SDK2: variants seen among roughly 807,000 people sequenced by gnomAD.
SDK2 encodes the protein protein sidekick-2.
SDK2 carries 105 observed loss-of-function variants against 253.9 expected under a neutral mutation model. The observed-to-expected ratio is 0.41, with a 90% CI of 0.35 to 0.49. The LOEUF (loss-of-function observed/expected upper bound fraction) is 0.49. Ranked by LOEUF, SDK2 falls within the 20% of genes least tolerant of loss-of-function variation. The probability of loss-of-function intolerance (pLI) is 0.06; values close to 1 mark genes in which losing one functional copy is unlikely to be tolerated. For missense variants in SDK2, 2,608 were observed against 3,003.0 expected (o/e 0.87, Z 3.07); for synonymous variants, 1,249 against 1,234.9 (o/e 1.01, Z -0.24).
At chr17:73,424,288 C>T (rs1272279448) in intron 12 of SDK2, among the ~76,000 whole-genome samples, 196 bp from the exon 13 acceptor site, 5 of 152,100 alleles carry the variant, frequency 3.3e-5, no homozygotes, top group Non-Finnish European at 7.4e-5. Flanking sequence ...ATCGTTCCTG[C>T]GGGGAGGGTG....
intron 1 of SDK2, among the ~76,000 whole-genome samples, chr17:73,549,664 G>A (rs550764649): frequency 6.6e-6 from 1 of 152,150 alleles, no homozygotes; most frequent in East Asian, 1.9e-4. Flanking sequence ...ATGGGGGCAA[G>A]TTTTAGGCGA....
chr17:73,594,569 C>T (rs969021673), intron 1 of SDK2, among the ~76,000 whole-genome samples: 2 of 151,858 alleles, frequency 1.3e-5, no homozygotes, highest in African/African-American at 2.4e-5. Flanking sequence ...TGCAAGACTC[C>T]CTGCCTGCCT....
In SDK2 at chr17:73,374,467, G is replaced by A. The variant is rs1025180649; in HGVS notation, c.4980+4710C>T. On this transcript the variant is annotated intron_variant, in intron 36 of 44. Coordinates refer to ENST00000392650, the MANE Select transcript of SDK2 (RefSeq NM_001144952.2). Reference sequence around the variant, plus strand: ...TCTCCCATTCCATGTTCGATTTGTCGGTAATTTTTTTTTTTTTTGAGATGG... The same window carrying A: ...TCTCCCATTCCATGTTCGATTTGTCAGTAATTTTTTTTTTTTTTGAGATGG... 4.3e-5 allele frequency among the ~76,000 whole-genome samples: 6 copies of A among 138,166 alleles called. 1 individual carries two copies. Among genetic ancestry groups the A allele is most frequent in the African/African-American group, 1.2e-4 (4 of 32,342 alleles). The allele number at this position is 138,166 out of a possible 152,430, so 90.6% of individuals were successfully genotyped here. A position where few individuals can be genotyped will look rare whatever the true frequency, so the allele number is the denominator to read the frequency against.
intron 21 of SDK2, 95 bp from the exon 22 acceptor site, chr17:73,399,384 G>C: frequency 7.6e-7 from 1 of 1,314,382 alleles, no homozygotes; most frequent in South Asian, 1.3e-5. Context: ...TGTGTGTCAC[G>C]CTTTTCCTGG....
chr17:73,421,086 G>A (rs1314882307), intron 15 of SDK2, among the ~76,000 whole-genome samples: 1 of 152,238 alleles, frequency 6.6e-6, no homozygotes, highest in African/African-American at 2.4e-5. Context: ...TACACTTTCA[G>A]CCTCTCTGTT....
intron 1 of SDK2, among the ~76,000 whole-genome samples, chr17:73,622,020 C>T (rs1027314500): frequency 2.0e-5 from 3 of 152,216 alleles, no homozygotes; most frequent in African/African-American, 7.2e-5. Context: ...GAGGATATTA[C>T]ATCCAGTTCT....
intron 34 of SDK2, among the ~76,000 whole-genome samples, chr17:73,380,427 A>G (rs747973644): frequency 2.6e-5 from 4 of 152,198 alleles, no homozygotes; most frequent in Admixed American, 6.5e-5. Flanking sequence ...CAGCAGGAAC[A>G]TGTCTGGTGC....
At chr17:73,554,736 A>C (rs1472384693) in intron 1 of SDK2, among the ~76,000 whole-genome samples, 2 of 152,232 alleles carry the variant, frequency 1.3e-5, no homozygotes, top group Non-Finnish European at 2.9e-5. Flanking sequence ...TATCTCTGCA[A>C]GTGTGAGCTC....
chr17:73,501,721 T>A (rs1451974723), intron 2 of SDK2, among the ~76,000 whole-genome samples: 1 of 152,226 alleles, frequency 6.6e-6, no homozygotes, highest in African/African-American at 2.4e-5. Context: ...GGGTTTGTTA[T>A]CAGATCTGTT....
chr17:73,532,966 AG>A (rs2064181936), intron 1 of SDK2, among the ~76,000 whole-genome samples: 1 of 152,226 alleles, frequency 6.6e-6, no homozygotes, highest in Non-Finnish European at 1.5e-5. Flanking sequence ...CATTTAATAA[AG>A]ATGAGTATAA....
At chr17:73,613,711 C>A (rs542205308) in intron 1 of SDK2, among the ~76,000 whole-genome samples, 1 of 151,930 alleles carries the variant, frequency 6.6e-6, no homozygotes, top group Non-Finnish European at 1.5e-5. Context: ...ACGCCCCTCC[C>A]AGCTGCCCCA....
At chr17:73,549,044 A>G (rs937380189) in intron 1 of SDK2, among the ~76,000 whole-genome samples, 11 of 152,240 alleles carry the variant, frequency 7.2e-5, no homozygotes, top group African/African-American at 2.4e-4. Flanking sequence ...TGACGCCATC[A>G]GCCTTCCCGT....
At chr17:73,430,896 T>A (rs373632782) in intron 11 of SDK2, among the ~76,000 whole-genome samples, 1 of 152,188 alleles carries the variant, frequency 6.6e-6, no homozygotes, top group African/African-American at 2.4e-5. Context: ...ATTTCCAGTC[T>A]AGTGCTTCAT....
At position 73,389,069 on chromosome 17, in the gene SDK2, C is replaced by T. The variant is rs552595637; in HGVS notation, c.4193-1032G>A. The stretch of plus-strand genomic sequence containing the variant: ...TTTCCCAGGCTGGAGTGCAGTGGCA[C>T]GATCATAGCTCACTACAGCCTCAAA... On this transcript the variant is annotated intron_variant, in intron 29 of 44. Coordinates refer to ENST00000392650, the MANE Select transcript of SDK2 (RefSeq NM_001144952.2). Among the ~76,000 whole-genome samples the T allele has an allele frequency of 3.0e-4, 44 of 147,208 alleles. 1 individual carries two copies. The highest frequency in any genetic ancestry group is 1.2e-3 in the Admixed American group (17 of 14,598).
At chr17:73,386,962 CTT>C (rs938100487) in intron 30 of SDK2, among the ~76,000 whole-genome samples, 1 of 152,096 alleles carries the variant, frequency 6.6e-6, no homozygotes, top group Non-Finnish European at 1.5e-5. Flanking sequence ...GAGATGGAGT[CTT>C]TTTTTGTTGT....
Position 73,357,771 on chromosome 17 carries a change from G to A in SDK2, c.5593+308C>T, listed in dbSNP as rs2062603931. ...ATCAGTGGGGTCGTGTGGAGGATTC[G>A]GTGTGTGACCCACGTGAGCCACGTG... is the stretch of plus-strand genomic sequence containing the variant. On this transcript the variant is annotated intron_variant, in intron 40 of 44. Transcript: ENST00000392650. 10 of 455,772 alleles carry A rather than the reference G, an allele frequency of 2.2e-5. No individual in the cohort carries two copies. The East Asian group carries it at 2.5e-4, about 12-fold the overall frequency. 28.2% of individuals were successfully genotyped at this position (455,772 alleles called of 1,614,324 possible). A position where few individuals can be genotyped will look rare whatever the true frequency, so the allele number is the denominator to read the frequency against.
At chr17:73,601,401 A>G (rs1473067822) in intron 1 of SDK2, among the ~76,000 whole-genome samples, 2 of 152,052 alleles carry the variant, frequency 1.3e-5, no homozygotes, top group African/African-American at 4.8e-5. Flanking sequence ...ATTCATGTCC[A>G]CCCAGAACCT....
chr17:73,496,885 GATTT>G lies in SDK2; in HGVS notation c.224+10549_224+10552del, dbSNP rs760267989. Among the ~76,000 whole-genome samples the G allele has an allele frequency of 4.6e-5, 7 of 152,038 alleles. No homozygotes were observed. The highest frequency in any genetic ancestry group is 1.0e-4 in the Non-Finnish European group (7 of 68,022). Reference sequence around the variant, plus strand: ...TTCTATGTCCCTAAATTGAGCTGACGATTTATTTATTTGTTTTTATTTATGTTTT... The same window carrying G: ...TTCTATGTCCCTAAATTGAGCTGACGATTTATTTGTTTTTATTTATGTTTT... On this transcript the variant is annotated intron_variant, in intron 2 of 44. Coordinates refer to ENST00000392650, the MANE Select transcript of SDK2 (RefSeq NM_001144952.2). The surrounding 1 kb of genome is among the most constrained non-coding windows in gnomAD (Gnocchi z 4.7).
Position 73,507,404 on chromosome 17 carries a change from C to G in SDK2, c.224+34G>C, listed in dbSNP as rs1266820485. On this transcript the variant is annotated intron_variant, in intron 2 of 44. Coordinates refer to ENST00000392650, the MANE Select transcript of SDK2 (RefSeq NM_001144952.2). ...CTTCAAAGCAGGGCAGTGGTCCTGG[C>G]AGCCAGGAGGAAGGGCGGGGAGGGG... is the stretch of plus-strand genomic sequence containing the variant. 4 of 1,538,648 alleles carry G rather than the reference C, an allele frequency of 2.6e-6. No homozygotes were observed. The South Asian group carries it at 4.9e-5, about 19-fold the overall frequency.
Sources: allele counts gnomAD v4.1 joint callset (sites outside exome capture counted in the v4.1 genomes callset), GRCh38; gene constraint gnomAD v4.1.1; non-coding constraint Gnocchi (gnomAD v3.1); transcripts MANE v1.5; gene names NCBI Gene and HGNC (gene_info 2026-07-23, HGNC 2026-07-21).